Variants in ATP8A2 observed in about 807,000 individuals in gnomAD.
The protein encoded by ATP8A2 is ATPase phospholipid transporting 8A2.
A neutral mutation model predicts 165.6 loss-of-function variants in ATP8A2; 100 were observed. The observed-to-expected ratio is 0.60, with a 90% CI of 0.51 to 0.71. The LOEUF (loss-of-function observed/expected upper bound fraction) is 0.71. ATP8A2 is among the 30% of genes least tolerant of loss of function. ATP8A2 has a pLI of 0.00. For missense variants in ATP8A2, 1,227 were observed against 1,479.5 expected (o/e 0.83, Z 2.80); for synonymous variants, 543 against 548.8 (o/e 0.99, Z 0.15).
At chr13:25,703,490 C>T (rs2042993313) in intron 25 of ATP8A2, among the ~76,000 whole-genome samples, 1 of 152,138 alleles carries the variant, frequency 6.6e-6, no homozygotes, top group Non-Finnish European at 1.5e-5. Context: ...AAAACAGGCA[C>T]TCAAACAAAT....
chr13:25,562,273 G>A (rs1399879909), intron 15 of ATP8A2, among the ~76,000 whole-genome samples: 4 of 152,142 alleles, frequency 2.6e-5, no homozygotes, highest in Non-Finnish European at 4.4e-5. Flanking sequence ...CCACGTCCTT[G>A]CCAACACTTG....
intron 35 of ATP8A2, among the ~76,000 whole-genome samples, chr13:25,989,207 G>GTTTA (rs1956334371): frequency 6.6e-6 from 1 of 152,036 alleles, no homozygotes; most frequent in African/African-American, 2.4e-5. Context: ...AAAGTTGGAT[G>GTTTA]TTTATTGTCC....
chr13:25,635,612 A>T (rs889173374), intron 24 of ATP8A2, among the ~76,000 whole-genome samples: 6 of 152,170 alleles, frequency 3.9e-5, no homozygotes, highest in Non-Finnish European at 7.4e-5. Flanking sequence ...TTTCTGTTAA[A>T]TGGTTTCAGG....
chr13:25,617,779 T>C (rs1183601938), intron 24 of ATP8A2, among the ~76,000 whole-genome samples: 1 of 152,200 alleles, frequency 6.6e-6, no homozygotes, highest in African/African-American at 2.4e-5. Context: ...ATTCACGCAG[T>C]TCTGGGGAGA....
intron 2 of ATP8A2, among the ~76,000 whole-genome samples, chr13:25,524,366 G>T (rs1340973820): frequency 6.6e-6 from 1 of 152,138 alleles, no homozygotes; most frequent in Non-Finnish European, 1.5e-5. Context: ...GTAAATGTGA[G>T]TTAGTCTTGT....
At chr13:25,404,550 G>A (rs1400917566) in intron 1 of ATP8A2, among the ~76,000 whole-genome samples, 1 of 152,072 alleles carries the variant, frequency 6.6e-6, no homozygotes, top group Admixed American at 6.6e-5. Flanking sequence ...ACCCAGGGGA[G>A]TGGCAGTGAG....
At chr13:25,658,887 ACT>A (rs1388684986) in intron 24 of ATP8A2, among the ~76,000 whole-genome samples, 2 of 151,996 alleles carry the variant, frequency 1.3e-5, no homozygotes, top group African/African-American at 4.8e-5. Context: ...GAGTCAATAA[ACT>A]CAACCTGGTA....
At chr13:25,740,263 C>T (rs919349307) in intron 25 of ATP8A2, among the ~76,000 whole-genome samples, 16 of 145,834 alleles carry the variant, frequency 1.1e-4, no homozygotes, top group Admixed American at 5.6e-4. Flanking sequence ...GAGCTGAGAT[C>T]GCGCCACTGC....
At chr13:25,900,011 A>G (rs1953686864) in intron 33 of ATP8A2, among the ~76,000 whole-genome samples, 2 of 152,108 alleles carry the variant, frequency 1.3e-5, no homozygotes, top group South Asian at 2.1e-4. Flanking sequence ...CTGCCCAGGG[A>G]CTGGAGTAGA....
At chr13:25,905,154 A>G (rs768019712) in intron 33 of ATP8A2, among the ~76,000 whole-genome samples, 2 of 152,000 alleles carry the variant, frequency 1.3e-5, no homozygotes, top group Non-Finnish European at 2.9e-5. Flanking sequence ...ACCCAGAGAC[A>G]TCACCCATCT....
chr13:25,797,087 G>A (rs1273571527), intron 27 of ATP8A2, among the ~76,000 whole-genome samples: 1 of 93,920 alleles, frequency 1.1e-5, no homozygotes, highest in African/African-American at 3.5e-5. Context: ...GGCCAACATG[G>A]TGAAACCCCA....
chr13:25,428,947 G>T (rs933316819), intron 1 of ATP8A2, among the ~76,000 whole-genome samples: 1 of 152,162 alleles, frequency 6.6e-6, no homozygotes, highest in East Asian at 1.9e-4. Flanking sequence ...ACAGGTCTGG[G>T]AAATGCCCCC....
intron 28 of ATP8A2, 111 bp from the exon 29 acceptor site, chr13:25,837,052 A>G: frequency 2.3e-6 from 3 of 1,323,460 alleles, no homozygotes; most frequent in African/African-American, 1.5e-5. Context: ...TGAATCATGG[A>G]GTCTCAGGTT....
intron 27 of ATP8A2, among the ~76,000 whole-genome samples, chr13:25,792,548 A>G (rs913853792): frequency 3.3e-5 from 5 of 152,150 alleles, no homozygotes; most frequent in African/African-American, 1.2e-4. Context: ...TTGCTTTGAA[A>G]CTAATGAAAT....
chr13:25,822,422 G>A (rs766596146), intron 27 of ATP8A2, among the ~76,000 whole-genome samples: 6 of 152,162 alleles, frequency 3.9e-5, no homozygotes, highest in Non-Finnish European at 8.8e-5. Flanking sequence ...CACCAGCTGG[G>A]TATTACAGTG....
chr13:25,726,599 A>G (rs1019437322), intron 25 of ATP8A2, among the ~76,000 whole-genome samples: 5 of 152,050 alleles, frequency 3.3e-5, no homozygotes, highest in African/African-American at 1.2e-4. Flanking sequence ...CCAATCCTGC[A>G]GTGAAATCTC....
At chr13:25,599,520 G>C (rs935701996) in intron 24 of ATP8A2, among the ~76,000 whole-genome samples, 1 of 152,130 alleles carries the variant, frequency 6.6e-6, no homozygotes, top group East Asian at 1.9e-4. Flanking sequence ...ACTTTACCAC[G>C]CCTAGAGGCA....
intron 15 of ATP8A2, among the ~76,000 whole-genome samples, chr13:25,562,878 C>T (rs1269388230): frequency 6.6e-6 from 1 of 152,100 alleles, no homozygotes; most frequent in Non-Finnish European, 1.5e-5. Flanking sequence ...CTGAATGTTC[C>T]TCAAGTGGAT....
At chr13:25,608,012 C>T (rs932735840) in intron 24 of ATP8A2, among the ~76,000 whole-genome samples, 1 of 152,120 alleles carries the variant, frequency 6.6e-6, no homozygotes, top group African/African-American at 2.4e-5. Flanking sequence ...GAAAGAGAAT[C>T]CTCAGAGTAG....
Sources: gnomAD v4.1 joint callset for allele counts (sites outside exome capture counted in the v4.1 genomes callset) on GRCh38, gnomAD v4.1.1 for gene constraint, MANE v1.5 for transcripts, NCBI Gene and HGNC (gene_info 2026-07-23, HGNC 2026-07-21) for gene names.